Variants in DCDC1 observed in about 807,000 individuals in gnomAD.
The protein encoded by DCDC1 is doublecortin domain containing 1.
A neutral mutation model predicts 178.3 loss-of-function variants in DCDC1; 200 were observed. That is an observed-to-expected ratio of 1.12 (90% CI 1.00 to 1.26). The LOEUF is 1.26. DCDC1 is among the 50% of genes most tolerant of loss of function. The pLI, the probability that DCDC1 is intolerant of heterozygous loss-of-function variation, is 0.00. For synonymous variants in DCDC1, 690 were observed against 604.8 expected, an observed-to-expected ratio of 1.14 and a Z score of -2.07; for missense variants, 1,983 against 1,749.2, an observed-to-expected ratio of 1.13 and a Z score of -2.38.
At chr11:31,263,011 C>T (rs368936486) in intron 8 of DCDC1, 38 of 1,605,298 alleles carry the variant, frequency 2.4e-5, no homozygotes, top group Non-Finnish European at 2.9e-5. Context: ...ACGTGAAGCA[C>T]GAGTCATGAA....
At position 31,011,127 on chromosome 11, in the gene DCDC1, C is replaced by T. The variant is rs1020374394; in HGVS notation, c.2591+53342G>A. On this transcript the variant is annotated intron_variant, in intron 20 of 38. Coordinates refer to ENST00000684477, the MANE Select transcript of DCDC1 (RefSeq NM_001387274.1). The stretch of plus-strand genomic sequence containing the variant: ...ACAATTAATTCAACATGCAAAAAAA[C>T]TCCTCTGTACTTTTCTCTATAGTTG... Among the ~76,000 whole-genome samples, 5 of 152,102 alleles carry T rather than the reference C, an allele frequency of 3.3e-5. No individual in the cohort carries two copies. In the South Asian group the frequency reaches 8.3e-4, roughly 25 times the overall value.
intron 20 of DCDC1, among the ~76,000 whole-genome samples, chr11:31,045,812 G>C (rs1214468635): frequency 6.6e-6 from 1 of 152,170 alleles, no homozygotes; most frequent in East Asian, 1.9e-4. Context: ...CCAATTGGGA[G>C]ATGTTTTTCT....
chr11:30,903,962 G>A (rs1944889969), intron 31 of DCDC1: 2 of 231,052 alleles, frequency 8.7e-6, no homozygotes, highest in Non-Finnish European at 1.7e-5. Flanking sequence ...TAGCATCAGA[G>A]TATCTTCTAA....
At chr11:31,183,925 A>T (rs996705410) in intron 9 of DCDC1, among the ~76,000 whole-genome samples, 9 of 152,176 alleles carry the variant, frequency 5.9e-5, no homozygotes, top group African/African-American at 1.9e-4. Context: ...TCATAGAATT[A>T]GAAAAACCTA....
intron 20 of DCDC1, among the ~76,000 whole-genome samples, chr11:31,023,805 T>C (rs1953049879): frequency 6.6e-6 from 1 of 151,838 alleles, no homozygotes; most frequent in African/African-American, 2.4e-5. Flanking sequence ...ACAGATTACA[T>C]GGAAAGGTGT....
In DCDC1 at chr11:30,963,016, T is replaced by C. The variant is rs190856018; in HGVS notation, c.2592-10448A>G. Among the ~76,000 whole-genome samples the C allele has an allele frequency of 1.7e-3, 259 of 152,256 alleles. 3 individuals are homozygous for C. The highest frequency in any genetic ancestry group is 6.0e-3 in the African/African-American group (251 of 41,568). ...GGAGTTCTTGAATCTGTTGCATTCA[T>C]CACCTATCTGGGCTTGATAGGTAGG... On this transcript the variant is annotated intron_variant, in intron 20 of 38. Transcript: ENST00000684477.
At chr11:31,252,238 G>C (rs1389290056) in intron 8 of DCDC1, among the ~76,000 whole-genome samples, 2 of 152,090 alleles carry the variant, frequency 1.3e-5, no homozygotes, top group African/African-American at 4.8e-5. Flanking sequence ...AAGTTGGAAT[G>C]CTTACTAAAT....
intron 20 of DCDC1, among the ~76,000 whole-genome samples, chr11:31,032,518 T>C (rs1953717176): frequency 6.6e-6 from 1 of 151,842 alleles, no homozygotes; most frequent in South Asian, 2.1e-4. Context: ...TACATAATTG[T>C]ATTATACAAT....
chr11:31,032,403 T>G (rs1418931410), intron 20 of DCDC1, among the ~76,000 whole-genome samples: 2 of 152,190 alleles, frequency 1.3e-5, no homozygotes, highest in African/African-American at 2.4e-5. Flanking sequence ...CTGATTTAAT[T>G]TCCTTTAAAA....
chr11:31,173,759 A>AACAC (rs67930033), intron 9 of DCDC1, among the ~76,000 whole-genome samples: 43,805 of 130,418 alleles, frequency 0.34, 6,790 homozygotes, highest in East Asian at 0.49. Flanking sequence ...CACACACACA[A>AACAC]ACACACACAC....
chr11:31,034,310 G>T (rs1230407883), intron 20 of DCDC1, among the ~76,000 whole-genome samples: 1 of 151,892 alleles, frequency 6.6e-6, no homozygotes, highest in Non-Finnish European at 1.5e-5. Flanking sequence ...AAAAGTTACA[G>T]TAAGTTAAGG....
intron 20 of DCDC1, among the ~76,000 whole-genome samples, chr11:30,970,123 A>G (rs2134671956): frequency 6.6e-6 from 1 of 152,280 alleles, no homozygotes; most frequent in South Asian, 2.1e-4. Context: ...AAGGGTAAGT[A>G]AGATATCCCT....
chr11:30,881,378 C>A, intron 36 of DCDC1, 70 bp from the exon 37 acceptor site: 1 of 1,544,472 alleles, frequency 6.5e-7, no homozygotes, highest in Non-Finnish European at 8.8e-7. Context: ...AAAGAACCAA[C>A]TCTTCTGAGA....
At chr11:30,947,815 C>T (rs1948144653) in intron 21 of DCDC1, among the ~76,000 whole-genome samples, 1 of 152,008 alleles carries the variant, frequency 6.6e-6, no homozygotes, top group Admixed American at 6.6e-5. Flanking sequence ...GCAAACTACA[C>T]ATCTGAGAAG....
At chr11:31,096,430 T>G (rs1246157496) in intron 15 of DCDC1, among the ~76,000 whole-genome samples, 1 of 152,192 alleles carries the variant, frequency 6.6e-6, no homozygotes, top group Non-Finnish European at 1.5e-5. Flanking sequence ...CTGAAATTAG[T>G]CAGACAGAAG....
At chr11:31,283,165 C>T (rs1946568387) in intron 7 of DCDC1, among the ~76,000 whole-genome samples, 1 of 152,140 alleles carries the variant, frequency 6.6e-6, no homozygotes, top group African/African-American at 2.4e-5. Context: ...CAAATATTCA[C>T]AGCCTTCTCA....
At position 30,931,863 on chromosome 11, in the gene DCDC1, A is replaced by T; in HGVS notation, c.2805T>A (p.Pro935=). ...PICKTTEPYA[P]VRLRVLQNGE... ...CATTCTGCAAAACTCTGAGTCGCAC[A>T]GGGGCATATGGCTCTGTTGTCTTAC... is the stretch of plus-strand genomic sequence containing the variant. Residue 935 remains proline, a synonymous_variant, in exon 22 of 39, where the codon CCT becomes CCA. Transcript: ENST00000684477. The T allele has an allele frequency of 6.2e-7, 1 of 1,613,194 alleles. No individual in the cohort carries two copies. The highest frequency in any genetic ancestry group is 8.5e-7 in the Non-Finnish European group (1 of 1,179,428).
chr11:30,968,711 T>TATATATATATATATATA (rs1949594817), intron 20 of DCDC1, among the ~76,000 whole-genome samples: 1 of 61,054 alleles, frequency 1.6e-5, no homozygotes, highest in Non-Finnish European at 3.1e-5. Flanking sequence ...ATATATCAAA[T>TATATATATATATATATA]TATATATATA....
intron 20 of DCDC1, among the ~76,000 whole-genome samples, chr11:30,973,290 A>T (rs1049666037): frequency 2.7e-5 from 4 of 149,814 alleles, no homozygotes; most frequent in African/African-American, 9.9e-5. Context: ...AAAAAAAAAA[A>T]TGTAGCATCT....
Sources: gnomAD v4.1 joint callset for allele counts (sites outside exome capture counted in the v4.1 genomes callset) on GRCh38, gnomAD v4.1.1 for gene constraint, MANE v1.5 for transcripts, NCBI Gene and HGNC (gene_info 2026-07-23, HGNC 2026-07-21) for gene names.